TAF3: variants seen among roughly 807,000 people sequenced by gnomAD.
The protein encoded by TAF3 is transcription initiation factor TFIID subunit 3.
In TAF3, 7 loss-of-function variants were observed where a neutral mutation model predicts 80.6. The observed-to-expected ratio is 0.09, with a 90% confidence interval of 0.05 to 0.16. The LOEUF (loss-of-function observed/expected upper bound fraction) is 0.16, where lower values mean the gene tolerates loss of function less well. TAF3 is among the 10% of genes least tolerant of loss of function. The pLI is 1.00. For missense variants in TAF3, 921 were observed against 1,140.2 expected, an observed-to-expected ratio of 0.81 and a Z score of 2.77; for synonymous variants, 444 against 446.1, an observed-to-expected ratio of 1.00 and a Z score of 0.06.
intron 2 of TAF3, among the ~76,000 whole-genome samples, chr10:7,890,134 G>T (rs570775155): frequency 6.6e-6 from 1 of 152,214 alleles, no homozygotes; most frequent in East Asian, 1.9e-4. Context: ...CAGTCACTTC[G>T]CTGGGACTTT....
chr10:7,896,272 G>A (rs574517669), intron 2 of TAF3, among the ~76,000 whole-genome samples: 7 of 152,232 alleles, frequency 4.6e-5, no homozygotes, highest in African/African-American at 9.6e-5. Flanking sequence ...TTGTGACTCC[G>A]TGAATGGGGG....
chr10:7,877,720 C>T (rs1454900532), intron 2 of TAF3, among the ~76,000 whole-genome samples: 1 of 151,860 alleles, frequency 6.6e-6, no homozygotes, highest in Non-Finnish European at 1.5e-5. Flanking sequence ...CAACTGAGAC[C>T]CATTGTGATG....
intron 2 of TAF3, among the ~76,000 whole-genome samples, chr10:7,944,386 TAGTC>T (rs1214189235): frequency 2.6e-5 from 4 of 152,302 alleles, no homozygotes; most frequent in South Asian, 2.1e-4. Flanking sequence ...ATTTTCTAGT[TAGTC>T]AGTAAGACCA....
chr10:7,852,977 G>A (rs991150271), intron 2 of TAF3, among the ~76,000 whole-genome samples: 6 of 152,122 alleles, frequency 3.9e-5, no homozygotes, highest in Non-Finnish European at 8.8e-5. Context: ...ATGATCTCAT[G>A]GATTTAAACA....
At chr10:7,835,021 C>T (rs1008980370) in intron 2 of TAF3, among the ~76,000 whole-genome samples, 1 of 152,082 alleles carries the variant, frequency 6.6e-6, no homozygotes, top group Non-Finnish European at 1.5e-5. Context: ...GTGTGTTTCT[C>T]TCGTACTTTC....
At chr10:7,995,060 T>A (rs1050481945) in intron 4 of TAF3, among the ~76,000 whole-genome samples, 1 of 151,882 alleles carries the variant, frequency 6.6e-6, no homozygotes, top group African/African-American at 2.4e-5. Context: ...ACAAGAATTA[T>A]ATAAAATAGC....
At chr10:7,874,314 A>G (rs1476224721) in intron 2 of TAF3, among the ~76,000 whole-genome samples, 1 of 152,204 alleles carries the variant, frequency 6.6e-6, no homozygotes, top group African/African-American at 2.4e-5. Context: ...AAGAAATGCA[A>G]AAGGACAGCT....
At chr10:8,010,008 C>T (rs1832039350) in intron 5 of TAF3, among the ~76,000 whole-genome samples, 1 of 152,022 alleles carries the variant, frequency 6.6e-6, no homozygotes, top group Non-Finnish European at 1.5e-5. Context: ...GCCTCCCAGG[C>T]TCAAGCGATC....
chr10:7,948,199 TCCACAGGTGGGCA>T (rs1838044799), intron 2 of TAF3, among the ~76,000 whole-genome samples: 1 of 151,580 alleles, frequency 6.6e-6, no homozygotes, highest in Non-Finnish European at 1.5e-5. Flanking sequence ...AGTAGCTGGG[TCCACAGGTGGGCA>T]CCACTGGGCC....
intron 3 of TAF3, among the ~76,000 whole-genome samples, chr10:7,970,644 G>GC (rs1206595273): frequency 6.6e-6 from 1 of 152,116 alleles, no homozygotes; most frequent in African/African-American, 2.4e-5. Flanking sequence ...ACCTTAGAGA[G>GC]CACCTGTTTA....
At chr10:7,885,524 C>T (rs958283275) in intron 2 of TAF3, among the ~76,000 whole-genome samples, 26 of 152,198 alleles carry the variant, frequency 1.7e-4, no homozygotes, top group African/African-American at 6.0e-4. Flanking sequence ...CTCACCGAAT[C>T]CTTTCCACTT....
chr10:8,013,242 G>A (rs1354695470), intron 5 of TAF3, among the ~76,000 whole-genome samples: 2 of 152,124 alleles, frequency 1.3e-5, no homozygotes, highest in East Asian at 3.8e-4. Flanking sequence ...GAAGGGCTTG[G>A]CTAATAAGTA....
At chr10:7,857,760 G>A (rs1285950309) in intron 2 of TAF3, among the ~76,000 whole-genome samples, 2 of 144,030 alleles carry the variant, frequency 1.4e-5, no homozygotes, top group East Asian at 4.0e-4. Context: ...ATTTACCTCA[G>A]TATCTTAAGT....
At chr10:7,963,085 C>T (rs896913135) in intron 2 of TAF3, among the ~76,000 whole-genome samples, 1 of 152,104 alleles carries the variant, frequency 6.6e-6, no homozygotes, top group Non-Finnish European at 1.5e-5. Flanking sequence ...AGTGCCTAAA[C>T]CAAGTGTATT....
At chr10:8,013,694 C>G (rs758228021) in intron 5 of TAF3, 37 bp from the exon 6 acceptor site, 2 of 1,559,476 alleles carry the variant, frequency 1.3e-6, no homozygotes, top group Non-Finnish European at 1.8e-6. Flanking sequence ...TTTTCCCATT[C>G]CCTCCATTTT....
chr10:7,886,033 A>G (rs2131158783), intron 2 of TAF3, among the ~76,000 whole-genome samples: 1 of 152,008 alleles, frequency 6.6e-6, no homozygotes, highest in Non-Finnish European at 1.5e-5. Context: ...GGCCCAAGTG[A>G]TCCTCCTGCG....
chr10:7,821,724 A>G (rs1056224406), intron 1 of TAF3, among the ~76,000 whole-genome samples: 3 of 152,238 alleles, frequency 2.0e-5, no homozygotes, highest in Non-Finnish European at 4.4e-5. Flanking sequence ...TGACTCTTCA[A>G]CACTAGTACT....
chr10:7,996,047 G>A (rs1381256371), intron 4 of TAF3, among the ~76,000 whole-genome samples: 1 of 152,156 alleles, frequency 6.6e-6, no homozygotes, highest in Non-Finnish European at 1.5e-5. Flanking sequence ...ACATACCTAA[G>A]TTAGAAAAAT....
intron 1 of TAF3, among the ~76,000 whole-genome samples, chr10:7,821,101 CA>C (rs977781964): frequency 1.3e-5 from 2 of 152,274 alleles, no homozygotes; most frequent in African/African-American, 4.8e-5. Flanking sequence ...CAAAGTCATC[CA>C]GGGGTCACTG....
Sources: gnomAD v4.1 joint callset for allele counts (sites outside exome capture counted in the v4.1 genomes callset) on GRCh38, gnomAD v4.1.1 for gene constraint, MANE v1.5 for transcripts, NCBI Gene and HGNC (gene_info 2026-07-23, HGNC 2026-07-21) for gene names.